Variants in SIPA1L3 observed in about 807,000 individuals in gnomAD.
The protein encoded by SIPA1L3 is signal induced proliferation associated 1 like 3.
SIPA1L3 carries 59 observed loss-of-function variants against 150.1 expected under a neutral mutation model. That is an observed-to-expected ratio of 0.39 (90% CI 0.32 to 0.49). SIPA1L3 has a LOEUF of 0.49. Among genes scored for constraint, SIPA1L3 ranks in the 20% least tolerant of loss-of-function variants. The pLI, the probability that SIPA1L3 is intolerant of heterozygous loss-of-function variation, is 0.86. For missense variants in SIPA1L3, 2,211 were observed against 2,489.5 expected (o/e 0.89, Z 2.38); for synonymous variants, 1,070 against 1,077.6 (o/e 0.99, Z 0.14).
At chr19:38,073,069 C>T (rs763052685) in intron 2 of SIPA1L3, among the ~76,000 whole-genome samples, 14 of 152,182 alleles carry the variant, frequency 9.2e-5, no homozygotes, top group African/African-American at 1.9e-4. Context: ...CCGGAGTGGC[C>T]GTGTATCCAC....
intron 2 of SIPA1L3, among the ~76,000 whole-genome samples, chr19:38,045,094 C>T (rs1969023005): frequency 6.6e-6 from 1 of 152,038 alleles, no homozygotes; most frequent in Admixed American, 6.6e-5. Context: ...ATCAAATAAT[C>T]AGGCTGGGCG....
At chr19:38,116,627 C>G (rs1970891143) in intron 8 of SIPA1L3, among the ~76,000 whole-genome samples, 1 of 151,654 alleles carries the variant, frequency 6.6e-6, no homozygotes, top group South Asian at 2.1e-4. Context: ...GCGGGCAGAT[C>G]ACTTGAGGCC....
At position 38,164,764 on chromosome 19, in the gene SIPA1L3, C is replaced by T. The variant is rs1029119101; in HGVS notation, c.4066C>T (p.His1356Tyr). 1.9e-6 allele frequency: 3 copies of T among 1,612,978 alleles called. No individual in the cohort carries two copies. Among genetic ancestry groups the T allele is most frequent in the Non-Finnish European group, 2.5e-6 (3 of 1,179,620 alleles). ...TCGCGAGGCCGCTGGGAGGTCCCAC[C>T]ACGCAGACAGGCGGCGGGAGGTCTC... ...GGREAAGRSH[H>Y]ADRRREVSPA... Residue 1356 changes from histidine (H) to tyrosine (Y), a missense_variant, in exon 15 of 22, where the codon CAC becomes TAC. This residue lies in a region of SIPA1L3 where 806 missense variants were observed against 870.1 expected (regional missense o/e 0.93). Transcript: ENST00000222345. The surrounding 1 kb of genome is among the most constrained non-coding windows in gnomAD (Gnocchi z 4.1).
chr19:38,199,149 GGGTTTGCTCTGCCACCCA>G lies in SIPA1L3; in HGVS notation c.4984+620_4984+637del, dbSNP rs1192850542. On this transcript the variant is annotated intron_variant, in intron 19 of 21. Transcript: ENST00000222345. ...CCTGGGTTCCCTGGAGCAGTGGACAGGGTTTGCTCTGCCACCCAGGGCCCTTTATGTGCTGGAAGTCCG... is the reference window on the plus strand; with the variant it reads ...CCTGGGTTCCCTGGAGCAGTGGACAGGGGCCCTTTATGTGCTGGAAGTCCG... Among the ~76,000 whole-genome samples, 221 of 152,314 alleles carry G rather than the reference GGGTTTGCTCTGCCACCCA, an allele frequency of 1.5e-3. 1 individual carries two copies. Among genetic ancestry groups the G allele is most frequent in the African/African-American group, 5.2e-3 (216 of 41,568 alleles).
At chr19:37,908,417 G>A (rs2046353140) in intron 1 of SIPA1L3, among the ~76,000 whole-genome samples, 1 of 152,220 alleles carries the variant, frequency 6.6e-6, no homozygotes, top group Non-Finnish European at 1.5e-5. Context: ...GAGACTGCCT[G>A]ACTGTGGGCT....
rs569868977 is a variant in SIPA1L3 at position 38,046,709 on chromosome 19, C to A, written c.-311+17553C>A. On this transcript the variant is annotated intron_variant, in intron 2 of 21. Coordinates refer to ENST00000222345, the MANE Select transcript of SIPA1L3 (RefSeq NM_015073.3). The surrounding 1 kb of genome is among the most constrained non-coding windows in gnomAD (Gnocchi z 5.6). ...CGGGTGTGGAGGGGCCCAGGTCCCC[C>A]GAGCAGCTCCTCTGACCCCGCAACC... Among the ~76,000 whole-genome samples the A allele has an allele frequency of 4.7e-4, 72 of 152,312 alleles. No individual in the cohort carries two copies. The highest frequency in any genetic ancestry group is 1.6e-3 in the African/African-American group (67 of 41,586).
intron 15 of SIPA1L3, among the ~76,000 whole-genome samples, chr19:38,166,207 G>C (rs1972205412): frequency 6.6e-6 from 1 of 152,010 alleles, no homozygotes; most frequent in African/African-American, 2.4e-5. Flanking sequence ...TGTAATCCCA[G>C]CACTTTGGGA....
intron 2 of SIPA1L3, 118 bp downstream of exon 2, chr19:38,029,274 T>C (rs1449196224): frequency 6.6e-6 from 1 of 152,214 alleles, no homozygotes; most frequent in Non-Finnish European, 1.5e-5. Context: ...ATCGCTGTAC[T>C]TCTGTCACCC....
Position 38,100,114 on chromosome 19 carries a change from G to C in SIPA1L3, c.1818G>C (p.Lys606Asn). The C allele has an allele frequency of 6.3e-7, 1 of 1,599,992 alleles. No homozygotes were observed. Among genetic ancestry groups the C allele is most frequent in the Non-Finnish European group, 8.5e-7 (1 of 1,174,490 alleles). Residue 606 changes from lysine to asparagine, a missense_variant, in exon 5 of 22, where the codon AAG (lysine) becomes AAC (asparagine). Around this residue, in one of 5 missense-constraint regions of SIPA1L3, gnomAD observed 625 missense variants for 804.2 expected, o/e 0.78. Coordinates refer to ENST00000222345, the MANE Select transcript of SIPA1L3 (RefSeq NM_015073.3). The part of the protein sequence containing the change: ...HCLRLALNTP[K>N]VTEQLLKLDE... ...TGCGGCTGGCCCTCAACACCCCCAA[G>C]GTGACGGAGCAACTGCTGAAGCTCG...
At chr19:38,169,015 AAG>A (rs1972267603) in intron 15 of SIPA1L3, among the ~76,000 whole-genome samples, 1 of 152,270 alleles carries the variant, frequency 6.6e-6, no homozygotes, top group South Asian at 2.1e-4. Flanking sequence ...TATTAGGAAA[AAG>A]AGTTTGCAAC....
Position 38,082,925 on chromosome 19 carries a change from A to G in SIPA1L3, c.1360A>G (p.Ser454Gly). 1.2e-6 allele frequency: 2 copies of G among 1,613,118 alleles called. No homozygotes were observed. Among genetic ancestry groups the G allele is most frequent in the Middle Eastern group, 1.6e-4 (1 of 6,062 alleles). Residue 454 changes from serine (S) to glycine (G), a missense_variant, in exon 3 of 22, where the codon AGC (serine) becomes GGC (glycine). Around this residue, in one of 5 missense-constraint regions of SIPA1L3, gnomAD observed 587 missense variants for 534.5 expected, o/e 1.10. Transcript: ENST00000222345. ...FSRASVGSPS[S>G]GEGHLAEPAL... ...CCGGGCTTCCGTGGGCTCCCCGAGC[A>G]GCGGCGAGGGCCACCTGGCAGAGCC...
intron 1 of SIPA1L3, among the ~76,000 whole-genome samples, chr19:37,950,697 A>T (rs1599832592): frequency 6.6e-6 from 1 of 152,054 alleles, no homozygotes; most frequent in Non-Finnish European, 1.5e-5. Context: ...CTTGCTCCCC[A>T]CAAGCCCGTC....
At chr19:38,132,040 G>T (rs1186942089) in intron 10 of SIPA1L3, among the ~76,000 whole-genome samples, 1 of 151,848 alleles carries the variant, frequency 6.6e-6, no homozygotes, top group Non-Finnish European at 1.5e-5. Flanking sequence ...TTCAAGACCA[G>T]CCTGGCCAAC....
intron 1 of SIPA1L3, among the ~76,000 whole-genome samples, chr19:37,927,471 AC>A (rs1434885586): frequency 6.7e-5 from 10 of 148,478 alleles, no homozygotes; most frequent in Non-Finnish European, 1.2e-4. Flanking sequence ...TAGATTTTCA[AC>A]CCTTGCCCCA....
chr19:38,090,186 T>C (rs1970228913), intron 4 of SIPA1L3, among the ~76,000 whole-genome samples: 1 of 151,802 alleles, frequency 6.6e-6, no homozygotes, highest in Admixed American at 6.6e-5. Context: ...AAAAATTAGC[T>C]GGGCGTGGTG....
At chr19:38,094,793 G>A (rs894332038) in intron 4 of SIPA1L3, among the ~76,000 whole-genome samples, 3 of 152,090 alleles carry the variant, frequency 2.0e-5, no homozygotes, top group Non-Finnish European at 2.9e-5. Flanking sequence ...ATTGCCAGGC[G>A]TGGTAGCTCA....
intron 2 of SIPA1L3, among the ~76,000 whole-genome samples, chr19:38,072,818 C>G (rs925009815): frequency 6.6e-6 from 1 of 152,258 alleles, no homozygotes; most frequent in Non-Finnish European, 1.5e-5. Context: ...TCTTGTGTTT[C>G]CCTATGCTGT....
intron 18 of SIPA1L3, among the ~76,000 whole-genome samples, chr19:38,194,822 G>A (rs529892797): frequency 7.9e-5 from 12 of 152,290 alleles, no homozygotes; most frequent in East Asian, 3.9e-4. Context: ...AGGCCGAGGC[G>A]GGTGGATCAC....
intron 10 of SIPA1L3, among the ~76,000 whole-genome samples, chr19:38,139,913 G>A (rs1260039059): frequency 2.0e-5 from 3 of 152,084 alleles, no homozygotes; most frequent in East Asian, 1.9e-4. Flanking sequence ...GTCCACTCCC[G>A]CAAGCCCTTT....
Sources: gnomAD v4.1 joint callset for allele counts (sites outside exome capture counted in the v4.1 genomes callset) on GRCh38, gnomAD v4.1.1 for gene constraint, gnomAD v4.1.1 regional missense constraint, Gnocchi (gnomAD v3.1) non-coding constraint, MANE v1.5 for transcripts, NCBI Gene and HGNC (gene_info 2026-07-23, HGNC 2026-07-21) for gene names.